WDR45B: variants seen among roughly 807,000 people sequenced by gnomAD.
WDR45B encodes WD repeat domain phosphoinositide-interacting protein 3.
WDR45B carries 20 observed loss-of-function variants against 44.6 expected under a neutral mutation model. The ratio of observed to expected loss-of-function variants is 0.45; its 90% CI spans 0.32 to 0.65. The LOEUF is 0.65. Among genes scored for constraint, WDR45B ranks in the 30% least tolerant of loss-of-function variants. The probability of loss-of-function intolerance (pLI) is 0.05; values close to 1 mark genes in which losing one functional copy is unlikely to be tolerated. For synonymous variants in WDR45B, 169 were observed against 164.9 expected (o/e 1.02, Z -0.19); for missense variants, 323 against 430.2 (o/e 0.75, Z 2.20).
chr17:82,638,230 A>AGGGAAAG (rs2045863390), intron 2 of WDR45B, among the ~76,000 whole-genome samples: 1 of 4,476 alleles, frequency 2.2e-4, no homozygotes, highest in African/African-American at 1.8e-3. Context: ...GGGAGGGGAG[A>AGGGAAAG]GGAGGGGAGG....
chr17:82,619,644 G>T (rs1025504836), intron 6 of WDR45B, among the ~76,000 whole-genome samples: 1 of 152,182 alleles, frequency 6.6e-6, no homozygotes, highest in Admixed American at 6.5e-5. Flanking sequence ...AAGACCTCAG[G>T]GAAGTTTTTA....
In WDR45B at chr17:82,646,499, AAAAAAAAAAAAAAC is replaced by A. The variant is rs1352470171; in HGVS notation, c.67+1761_67+1774del. 3.4e-5 allele frequency among the ~76,000 whole-genome samples: 5 copies of A among 146,520 alleles called. No individual in the cohort carries two copies. The South Asian group carries it at 1.1e-3, about 32-fold the overall frequency. ...CGAAAACTCCGTCTCAAAAAAAAAA[AAAAAAAAAAAAAAC>A]CCAAAACAAAAAAACAGCTAGAAAC... is the stretch of plus-strand genomic sequence containing the variant. On this transcript the variant is annotated intron_variant, in intron 1 of 9. Coordinates refer to ENST00000392325, the MANE Select transcript of WDR45B (RefSeq NM_019613.4).
At chr17:82,636,494 A>G (rs1178596970) in intron 2 of WDR45B, 2 of 151,940 alleles carry the variant, frequency 1.3e-5, no homozygotes, top group Admixed American at 6.6e-5. Flanking sequence ...AGATTCTCCC[A>G]TAATACCTGA....
chr17:82,640,676 G>A (rs1343627952), intron 2 of WDR45B, among the ~76,000 whole-genome samples: 1 of 152,140 alleles, frequency 6.6e-6, no homozygotes, highest in African/African-American at 2.4e-5. Flanking sequence ...ACGCAGAGCA[G>A]CAGATGAGTC....
chr17:82,647,411 G>A (rs533670627), intron 1 of WDR45B, among the ~76,000 whole-genome samples: 1 of 152,282 alleles, frequency 6.6e-6, no homozygotes, highest in African/African-American at 2.4e-5. Context: ...AATGGGAGGT[G>A]AGGAGGCAAC....
chr17:82,639,870 CTG>C (rs111529625), intron 2 of WDR45B, among the ~76,000 whole-genome samples: 119 of 58,306 alleles, frequency 2.0e-3, no homozygotes, highest in Admixed American at 5.0e-3. Context: ...GGCTGCCGAG[CTG>C]TGTGTGGGTC....
chr17:82,643,825 G>A (rs900196939), intron 2 of WDR45B, 124 bp downstream of exon 2: 1 of 899,720 alleles, frequency 1.1e-6, no homozygotes, highest in Non-Finnish European at 1.8e-6. Context: ...AGTTTATGAG[G>A]GGCCATGAAC....
At chr17:82,647,938 G>A (rs571138947) in intron 1 of WDR45B, among the ~76,000 whole-genome samples, 18 of 149,252 alleles carry the variant, frequency 1.2e-4, no homozygotes, top group African/African-American at 3.9e-4. Flanking sequence ...GCGCGGGGAG[G>A]GGCGTCCGCG....
intron 1 of WDR45B, chr17:82,644,278 C>G: frequency 1.9e-6 from 1 of 527,948 alleles, no homozygotes. Flanking sequence ...CAGGGGCCTT[C>G]TGTGGCATCC....
At chr17:82,640,084 A>T (rs2045894092) in intron 2 of WDR45B, among the ~76,000 whole-genome samples, 1 of 152,158 alleles carries the variant, frequency 6.6e-6, no homozygotes, top group Admixed American at 6.5e-5. Flanking sequence ...CCAAGACTGA[A>T]GGAGCAGGGA....
Position 82,618,962 on chromosome 17 carries a change from C to T in WDR45B, c.704+81G>A, listed in dbSNP as rs1007260387. The stretch of plus-strand genomic sequence containing the variant: ...ATTCGGGGGAGGGTGGCTGCTCCTA[C>T]CCCCTCTCCCAAATCCCAAAGGCCC... On this transcript the variant is annotated intron_variant, in intron 7 of 9. Transcript: ENST00000392325. 17 of 1,356,582 alleles carry T rather than the reference C, an allele frequency of 1.3e-5. No individual in the cohort carries two copies. In the African/African-American group the frequency reaches 2.2e-4, roughly 17 times the overall value. 84.0% of individuals were successfully genotyped at this position (1,356,582 alleles called of 1,614,324 possible). A position where few individuals can be genotyped will look rare whatever the true frequency, so the allele number is the denominator to read the frequency against.
At chr17:82,627,173 C>G (rs760489005) in intron 4 of WDR45B, 31 bp downstream of exon 4, 1 of 1,539,568 alleles carries the variant, frequency 6.5e-7, no homozygotes, top group East Asian at 2.2e-5. Flanking sequence ...AGTGAAATAC[C>G]ACTTTAAAAA....
chr17:82,642,241 C>A (rs1055465091), intron 2 of WDR45B, among the ~76,000 whole-genome samples: 1 of 152,166 alleles, frequency 6.6e-6, no homozygotes, highest in Non-Finnish European at 1.5e-5. Context: ...CAAGCATCCC[C>A]ACCAAGCTCT....
chr17:82,618,192 A>G (rs2045565218), intron 7 of WDR45B, among the ~76,000 whole-genome samples: 1 of 152,160 alleles, frequency 6.6e-6, no homozygotes, highest in African/African-American at 2.4e-5. Flanking sequence ...AGCCTCCCAA[A>G]ATGCTGGGAT....
At chr17:82,645,094 G>A (rs964162759) in intron 1 of WDR45B, among the ~76,000 whole-genome samples, 9 of 152,094 alleles carry the variant, frequency 5.9e-5, no homozygotes, top group African/African-American at 1.2e-4. Flanking sequence ...TCAGGAGTTC[G>A]AGACCAGCCT....
At chr17:82,636,477 G>A (rs7222350) in intron 2 of WDR45B, 89,305 of 151,554 alleles carry the variant, frequency 0.59, 26,957 homozygotes, top group African/African-American at 0.69. Context: ...TCTAAACCCC[G>A]CCAAAGAGAT....
chr17:82,640,514 C>G (rs2045900590), intron 2 of WDR45B, among the ~76,000 whole-genome samples: 1 of 152,054 alleles, frequency 6.6e-6, no homozygotes, highest in African/African-American at 2.4e-5. Context: ...CCAGGTCCAG[C>G]TAATTTTTGT....
In WDR45B at chr17:82,616,499, G is replaced by A. The variant is rs180838303; in HGVS notation, c.928+25C>T. The A allele has an allele frequency of 3.8e-4, 611 of 1,613,206 alleles. 3 individuals carry two copies. The highest frequency in any genetic ancestry group is 3.0e-3 in the Admixed American group (181 of 60,014). ...GAGCCCAGGTGGGGCGGGTGGGGAC[G>A]TTCTCTCCAGGAAGGACCACTCACC... On this transcript the variant is annotated intron_variant, in intron 9 of 9. Coordinates refer to ENST00000392325, the MANE Select transcript of WDR45B (RefSeq NM_019613.4).
intron 2 of WDR45B, among the ~76,000 whole-genome samples, chr17:82,638,071 A>T (rs2143351939): frequency 6.7e-6 from 1 of 150,016 alleles, no homozygotes; most frequent in Non-Finnish European, 1.5e-5. Context: ...CTGTAATCCC[A>T]GCTACTTGGA....
Sources: allele counts gnomAD v4.1 joint callset (sites outside exome capture counted in the v4.1 genomes callset), GRCh38; gene constraint gnomAD v4.1.1; transcripts MANE v1.5; gene names NCBI Gene and HGNC (gene_info 2026-07-23, HGNC 2026-07-21).